SCN9A: variants seen among roughly 807,000 people sequenced by gnomAD.
The protein encoded by SCN9A is sodium voltage-gated channel alpha subunit 9, also known as sodium channel protein type 9 subunit alpha.
A neutral mutation model predicts 187.0 loss-of-function variants in SCN9A; 131 were observed. The observed-to-expected ratio is 0.70, with a 90% CI of 0.61 to 0.81. The LOEUF is 0.81. SCN9A is among the 30% of genes least tolerant of loss of function. The probability of loss-of-function intolerance (pLI) is 0.00; values close to 1 mark genes in which losing one functional copy is unlikely to be tolerated. For synonymous variants in SCN9A, 809 were observed against 808.6 expected, an observed-to-expected ratio of 1.00 and a Z score of -0.01; for missense variants, 2,252 against 2,396.6, an observed-to-expected ratio of 0.94 and a Z score of 1.26.
chr2:166,282,801 A>G (rs1220384813), intron 12 of SCN9A, among the ~76,000 whole-genome samples: 1 of 152,188 alleles, frequency 6.6e-6, no homozygotes, highest in Non-Finnish European at 1.5e-5. Context: ...GTGAACAGAC[A>G]CACCCATTTG....
intron 17 of SCN9A, among the ~76,000 whole-genome samples, chr2:166,260,560 A>T (rs1696463460): frequency 6.6e-6 from 1 of 151,868 alleles, no homozygotes; most frequent in African/African-American, 2.4e-5. Context: ...ATATTTACCT[A>T]AGGTGCAAGC....
At chr2:166,345,469 G>C (rs948855335) in intron 1 of SCN9A, among the ~76,000 whole-genome samples, 1 of 151,802 alleles carries the variant, frequency 6.6e-6, no homozygotes, top group Admixed American at 6.6e-5. Context: ...GCTTATATCC[G>C]CCTCTTTTGA....
chr2:166,334,360 T>C lies in SCN9A; in HGVS notation c.-50-22554A>G, dbSNP rs1361879797. The stretch of plus-strand genomic sequence containing the variant: ...ATCAGATGCTGTTTGAGCAGCGTCA[T>C]GTAGAATATGGCAGAAGAGGCAACA... On this transcript the variant is annotated intron_variant, in intron 1 of 26. Coordinates refer to ENST00000642356, the MANE Select transcript of SCN9A (RefSeq NM_001365536.1). Among the ~76,000 whole-genome samples, 8 of 152,208 alleles carry C rather than the reference T, an allele frequency of 5.3e-5. 1 individual carries two copies. In the South Asian group the frequency reaches 1.7e-3, roughly 32 times the overall value.
intron 1 of SCN9A, among the ~76,000 whole-genome samples, chr2:166,329,115 G>T (rs1460828354): frequency 6.6e-6 from 1 of 152,012 alleles, no homozygotes; most frequent in Non-Finnish European, 1.5e-5. Flanking sequence ...CAATTAAATT[G>T]ATTATCTGCA....
Position 166,312,659 on chromosome 2 carries a change from A to G in SCN9A, c.-50-853T>C, listed in dbSNP as rs551236739. Among the ~76,000 whole-genome samples, 5 of 152,310 alleles carry G rather than the reference A, an allele frequency of 3.3e-5. No individual in the cohort carries two copies. In the East Asian group the frequency reaches 9.6e-4, roughly 29 times the overall value. ...TCTTATAAAATGTATTTATTAAAAA[A>G]TAAGACTTAAAAGTTGAAATTACTC... On this transcript the variant is annotated intron_variant, in intron 1 of 26. Transcript: ENST00000642356.
chr2:166,197,021 C>T lies in SCN9A; in HGVS notation c.*1651G>A. The T allele has an allele frequency of 6.6e-6, 1 of 151,836 alleles. No homozygotes were observed. Among genetic ancestry groups the T allele is most frequent in the East Asian group, 1.9e-4 (1 of 5,186 alleles). The allele number at this position is 151,836 out of a possible 1,614,324, so 9.4% of individuals were successfully genotyped here. ...CTTTCTTTTTAAATTGCCAGAACAA[C>T]AAAAAATATGTGCTTTAAACATTTA... On this transcript the variant is annotated 3_prime_UTR_variant, in exon 27 of 27. Transcript: ENST00000642356.
Position 166,199,490 on chromosome 2 carries a change from G to C in SCN9A, c.5149C>G (p.Pro1717Ala), listed in dbSNP as rs1693375833. Residue 1717 changes from proline to alanine, a missense_variant, in exon 27 of 27, where the codon CCA becomes GCA. By Grantham distance (27) the Pro-to-Ala change is conservative. Coordinates refer to ENST00000642356, the MANE Select transcript of SCN9A (RefSeq NM_001365536.1). ...ILNSKPPDCD[P>A]KKVHPGSSVE... ...GAACTTCCAGGATGAACTTTTTTTG[G>C]GTCACAGTCGGGTGGCTTACTGTTA... 1.2e-6 allele frequency: 2 copies of C among 1,614,080 alleles called. No individual in the cohort carries two copies. Among genetic ancestry groups the C allele is most frequent in the Non-Finnish European group, 1.7e-6 (2 of 1,180,002 alleles).
chr2:166,302,873 C>G, intron 7 of SCN9A: 1 of 374,186 alleles, frequency 2.7e-6, no homozygotes, highest in Admixed American at 4.6e-5. Flanking sequence ...AATTATGGAA[C>G]TATCCTGTGT....
At chr2:166,256,162 C>A (rs1696264980) in intron 17 of SCN9A, among the ~76,000 whole-genome samples, 1 of 151,234 alleles carries the variant, frequency 6.6e-6, no homozygotes. Context: ...CTCTTGCAAT[C>A]ATTCAGGGCC....
intron 1 of SCN9A, among the ~76,000 whole-genome samples, chr2:166,345,315 A>C (rs1383151907): frequency 6.6e-6 from 1 of 152,168 alleles, no homozygotes; most frequent in African/African-American, 2.4e-5. Context: ...ACTTAGAAAA[A>C]AATATGCATA....
chr2:166,237,739 C>G (rs1005138464), intron 20 of SCN9A, among the ~76,000 whole-genome samples: 1 of 152,242 alleles, frequency 6.6e-6, no homozygotes, highest in East Asian at 1.9e-4. Context: ...ATCTGTGTCT[C>G]TGCCCTTTTA....
At chr2:166,357,835 C>A (rs770130183) in intron 1 of SCN9A, among the ~76,000 whole-genome samples, 24 of 152,058 alleles carry the variant, frequency 1.6e-4, no homozygotes, top group Non-Finnish European at 2.8e-4. Context: ...TGTATTGGGT[C>A]TCCAATACCA....
intron 1 of SCN9A, among the ~76,000 whole-genome samples, chr2:166,360,817 T>A (rs982096237): frequency 1.5e-4 from 23 of 152,328 alleles, no homozygotes; most frequent in African/African-American, 5.5e-4. Context: ...CAGACTGAAA[T>A]TTTTAAATAA....
At chr2:166,271,873 GAAGA>G (rs1444867510) in intron 17 of SCN9A, among the ~76,000 whole-genome samples, 3 of 151,140 alleles carry the variant, frequency 2.0e-5, no homozygotes, top group East Asian at 2.0e-4. Context: ...TTAAAAAAAA[GAAGA>G]GAGAGAGAGA....
chr2:166,268,599 A>C (rs1574837126), intron 17 of SCN9A, among the ~76,000 whole-genome samples: 1 of 151,944 alleles, frequency 6.6e-6, no homozygotes, highest in African/African-American at 2.4e-5. Context: ...TCTGAATGGG[A>C]AAACAAAACA....
In SCN9A at chr2:166,204,406, T is replaced by C. The variant is rs1468554018; in HGVS notation, c.4457A>G (p.Lys1486Arg). 6.2e-7 allele frequency: 1 copy of C among 1,609,834 alleles called. No homozygotes were observed. Among genetic ancestry groups the C allele is most frequent in the Non-Finnish European group, 8.5e-7 (1 of 1,178,198 alleles). The change falls in exon 25 of 27, where the codon AAA becomes AGA. Residue 1486 changes from lysine (K) to arginine (R), a missense_variant. Physicochemically the swap from Lys to Arg is conservative, Grantham distance 26. Coordinates refer to ENST00000642356, the MANE Select transcript of SCN9A (RefSeq NM_001365536.1). ...TTGTGGCTTCTTGGACCCCAGCTTTTTCATTGCATTATAGTATTTCTTCTG... is the reference window on the plus strand; with the variant it reads ...TTGTGGCTTCTTGGACCCCAGCTTTCTCATTGCATTATAGTATTTCTTCTG... ...EEQKKYYNAM[K>R]KLGSKKPQKP...
intron 7 of SCN9A, among the ~76,000 whole-genome samples, chr2:166,295,206 G>A (rs1698244880): frequency 6.6e-6 from 1 of 152,196 alleles, no homozygotes; most frequent in South Asian, 2.1e-4. Context: ...CAGCAAGATG[G>A]CCAGTGTGGC....
chr2:166,277,863 T>G (rs542559285), intron 15 of SCN9A: 14 of 308,744 alleles, frequency 4.5e-5, no homozygotes, highest in Non-Finnish European at 8.0e-5. Flanking sequence ...AGCTTCTTAC[T>G]CTGAAATAAA....
intron 1 of SCN9A, among the ~76,000 whole-genome samples, chr2:166,351,976 G>A (rs1297812526): frequency 6.6e-6 from 1 of 152,116 alleles, no homozygotes; most frequent in African/African-American, 2.4e-5. Flanking sequence ...AGTAAAAAAT[G>A]TAAGTGAGCT....
Sources: allele counts gnomAD v4.1 joint callset (sites outside exome capture counted in the v4.1 genomes callset), GRCh38; gene constraint gnomAD v4.1.1; transcripts MANE v1.5; gene names NCBI Gene and HGNC (gene_info 2026-07-23, HGNC 2026-07-21).